CCDC138: variants seen among roughly 807,000 people sequenced by gnomAD.
CCDC138 encodes the protein coiled-coil domain-containing protein 138.
CCDC138 carries 66 observed loss-of-function variants against 82.3 expected under a neutral mutation model. That is an observed-to-expected ratio of 0.80 (90% confidence interval 0.66 to 0.98). The LOEUF is 0.98. Among genes scored for constraint, CCDC138 ranks in the 50% least tolerant of loss-of-function variants. The pLI, the probability that CCDC138 is intolerant of heterozygous loss-of-function variation, is 0.00. For synonymous variants in CCDC138, 297 were observed against 265.4 expected, an observed-to-expected ratio of 1.12 and a Z score of -1.16; for missense variants, 816 against 758.9, an observed-to-expected ratio of 1.08 and a Z score of -0.88.
At chr2:108,818,826 T>C (rs1304583657) in intron 10 of CCDC138, among the ~76,000 whole-genome samples, 1 of 152,172 alleles carries the variant, frequency 6.6e-6, no homozygotes, top group Admixed American at 6.5e-5. Flanking sequence ...CTGACTTTTT[T>C]TTTTTTGTAT....
At chr2:108,848,808 G>A (rs1690926798) in intron 12 of CCDC138, among the ~76,000 whole-genome samples, 1 of 152,080 alleles carries the variant, frequency 6.6e-6, no homozygotes, top group African/African-American at 2.4e-5. Context: ...AAAGGGAATA[G>A]GAAGTCCAGA....
chr2:108,786,892 C>G lies in CCDC138; in HGVS notation c.70C>G (p.Leu24Val), dbSNP rs1036032825. The change falls in exon 1 of 15, where the codon CTC becomes GTC. Residue 24 changes from leucine (L) to valine (V), a missense_variant. Transcript: ENST00000295124. ...GGAGAGTCTCAAAAGCCGCTACGGA[C>G]TCGGGGGCAGCTGCCCCGACGAGGT... ...VVESLKSRYGLGGSCPDEYDF... is the reference protein window; with the variant it reads ...VVESLKSRYGVGGSCPDEYDF... 7.1e-6 allele frequency: 11 copies of G among 1,557,854 alleles called. No homozygotes were observed. Among genetic ancestry groups the G allele is most frequent in the Non-Finnish European group, 7.8e-6 (9 of 1,155,264 alleles).
chr2:108,863,142 A>G (rs1693887376), intron 13 of CCDC138, among the ~76,000 whole-genome samples: 2 of 152,190 alleles, frequency 1.3e-5, no homozygotes, highest in African/African-American at 2.4e-5. Flanking sequence ...CTTGATTTGA[A>G]CAACATAATT....
chr2:108,796,587 A>G (rs1446515299), intron 5 of CCDC138, among the ~76,000 whole-genome samples: 2 of 152,224 alleles, frequency 1.3e-5, no homozygotes, highest in African/African-American at 4.8e-5. Flanking sequence ...CTCAGTGTCC[A>G]TTGGCAGATA....
rs183831887 is a variant in CCDC138, at chr2:108,816,003, T to C, written c.1104T>C (p.His368=). Residue 368 remains histidine, a synonymous_variant, in exon 10 of 15, where the codon CAT becomes CAC. Coordinates refer to ENST00000295124, the MANE Select transcript of CCDC138 (RefSeq NM_144978.3). ...TCTTCATGGACTGGATTTCGGATCA[T>C]CATCTTAGCAAAGTGAAACATGAAG... ...LTVFMDWISD[H]HLSKVKHEES... 89 of 1,613,740 alleles carry C rather than the reference T, an allele frequency of 5.5e-5. No homozygotes were observed. The East Asian group carries it at 1.8e-3, about 33-fold the overall frequency.
chr2:108,807,509 T>C (rs906831853), intron 7 of CCDC138, among the ~76,000 whole-genome samples: 2 of 152,220 alleles, frequency 1.3e-5, no homozygotes, highest in African/African-American at 4.8e-5. Context: ...ATTGGAAATA[T>C]TCAAAATCCT....
At chr2:108,871,370 T>A (rs1284203252) in intron 13 of CCDC138, among the ~76,000 whole-genome samples, 113 of 76,642 alleles carry the variant, frequency 1.5e-3, no homozygotes, top group African/African-American at 5.3e-3. Flanking sequence ...CCAACTCTAT[T>A]AAAAAAAAAA....
intron 5 of CCDC138, among the ~76,000 whole-genome samples, chr2:108,797,217 T>C (rs1401102003): frequency 6.6e-6 from 1 of 151,998 alleles, no homozygotes; most frequent in African/African-American, 2.4e-5. Flanking sequence ...GGAATATTAG[T>C]AATTAAGTGA....
rs748929179 is a variant in CCDC138 at position 108,812,802 on chromosome 2, G to A, written c.934-18G>A. 1.8e-5 allele frequency: 29 copies of A among 1,610,836 alleles called. No individual in the cohort carries two copies. The highest frequency in any genetic ancestry group is 4.0e-5 in the African/African-American group (3 of 74,664). On this transcript the variant is annotated intron_variant, in intron 8 of 14. Coordinates refer to ENST00000295124, the MANE Select transcript of CCDC138 (RefSeq NM_144978.3). Reference sequence around the variant, plus strand: ...TAGATACAATTGTTCTTTAATTCACGCATATATACTGTTGCAGAGGAAGTA... The same window carrying A: ...TAGATACAATTGTTCTTTAATTCACACATATATACTGTTGCAGAGGAAGTA...
chr2:108,837,879 C>G (rs1243557996), intron 10 of CCDC138, among the ~76,000 whole-genome samples: 6 of 151,246 alleles, frequency 4.0e-5, no homozygotes, highest in African/African-American at 1.2e-4. Flanking sequence ...CATAAAAATA[C>G]TATTTAGAGA....
intron 5 of CCDC138, among the ~76,000 whole-genome samples, chr2:108,795,809 T>C (rs1680770776): frequency 6.6e-6 from 1 of 152,122 alleles, no homozygotes; most frequent in Non-Finnish European, 1.5e-5. Context: ...TATTAGCCTG[T>C]CTGGAAGAAA....
At chr2:108,812,502 A>T in intron 7 of CCDC138, 129 bp from the exon 8 acceptor site, 1 of 669,124 alleles carries the variant, frequency 1.5e-6, no homozygotes, top group Non-Finnish European at 2.6e-6. Flanking sequence ...TAAGTTAATC[A>T]TGAATGCTGT....
At chr2:108,849,668 GA>G (rs1691111165) in intron 12 of CCDC138, among the ~76,000 whole-genome samples, 1 of 151,316 alleles carries the variant, frequency 6.6e-6, no homozygotes, top group Non-Finnish European at 1.5e-5. Flanking sequence ...CCTCAAAAAA[GA>G]AAAAGAAAAA....
rs201581326 is a variant in CCDC138 at position 108,799,185 on chromosome 2, T to C, written c.735+599T>C. On this transcript the variant is annotated intron_variant, in intron 6 of 14. Coordinates refer to ENST00000295124, the MANE Select transcript of CCDC138 (RefSeq NM_144978.3). The stretch of plus-strand genomic sequence containing the variant: ...TTTGAAGAATTCAGGCCAGCATTCT[T>C]ATATGTCACATTGTGGATTTGCCTG... 4.6e-5 allele frequency among the ~76,000 whole-genome samples: 7 copies of C among 152,180 alleles called. No individual in the cohort carries two copies. In the East Asian group the frequency reaches 1.3e-3, roughly 29 times the overall value.
At chr2:108,847,368 G>A (rs80158582) in intron 12 of CCDC138, among the ~76,000 whole-genome samples, 208 of 152,332 alleles carry the variant, frequency 1.4e-3, no homozygotes, top group Non-Finnish European at 2.5e-3. Context: ...CAGTGACAGA[G>A]TTGAGTAGTT....
intron 13 of CCDC138, among the ~76,000 whole-genome samples, chr2:108,870,620 A>G (rs1695080785): frequency 6.6e-6 from 1 of 152,262 alleles, no homozygotes; most frequent in South Asian, 2.1e-4. Context: ...TAAATGTGGT[A>G]TGTACATACG....
At chr2:108,789,057 C>A (rs1679464198) in intron 3 of CCDC138, 91 bp downstream of exon 3, 8 of 1,357,300 alleles carry the variant, frequency 5.9e-6, no homozygotes, top group Non-Finnish European at 6.2e-6. Flanking sequence ...TTTGCTCTTT[C>A]CTGAGGACAA....
At chr2:108,843,876 G>GTGTGTTTGTT (rs1187530203) in intron 11 of CCDC138, among the ~76,000 whole-genome samples, 2 of 13,872 alleles carry the variant, frequency 1.4e-4, no homozygotes, top group Admixed American at 1.6e-3. Flanking sequence ...GTGTGTGTGT[G>GTGTGTTTGTT]TGTTTCTTTC....
At chr2:108,849,831 A>G (rs1691156250) in intron 12 of CCDC138, among the ~76,000 whole-genome samples, 1 of 152,194 alleles carries the variant, frequency 6.6e-6, no homozygotes, top group South Asian at 2.1e-4. Flanking sequence ...GGGCCAAGGT[A>G]CATGCTGCTG....
Sources: gnomAD v4.1 joint callset for allele counts (sites outside exome capture counted in the v4.1 genomes callset) on GRCh38, gnomAD v4.1.1 for gene constraint, MANE v1.5 for transcripts, NCBI Gene and HGNC (gene_info 2026-07-23, HGNC 2026-07-21) for gene names.